The following TOP3A variants were observed in gnomAD, a reference collection of about 807,000 sequenced individuals.
TOP3A encodes the protein DNA topoisomerase 3-alpha.
TOP3A carries 64 observed loss-of-function variants against 111.3 expected under a neutral mutation model. The observed-to-expected ratio is 0.57, with a 90% CI of 0.47 to 0.71. The LOEUF (loss-of-function observed/expected upper bound fraction) is 0.71. TOP3A is among the 30% of genes least tolerant of loss of function. The pLI is 0.00. For synonymous variants in TOP3A, 484 were observed against 485.1 expected (o/e 1.00, Z 0.03); for missense variants, 1,104 against 1,285.0 (o/e 0.86, Z 2.15).
At chr17:18,294,283 T>G (rs1449400055) in intron 10 of TOP3A, among the ~76,000 whole-genome samples, 1 of 152,182 alleles carries the variant, frequency 6.6e-6, no homozygotes, top group East Asian at 1.9e-4. Flanking sequence ...TTGGGTGCTA[T>G]CTAGACAATC....
intron 11 of TOP3A, among the ~76,000 whole-genome samples, chr17:18,291,255 C>A (rs1332714380): frequency 6.6e-6 from 1 of 152,212 alleles, no homozygotes; most frequent in Non-Finnish European, 1.5e-5. Context: ...AGTCATCTTC[C>A]CTTCCAGACT....
intron 9 of TOP3A, among the ~76,000 whole-genome samples, chr17:18,297,942 G>A (rs1400691897): frequency 3.4e-5 from 5 of 148,928 alleles, no homozygotes; most frequent in Admixed American, 2.0e-4. Context: ...AGTGAGGAGC[G>A]TCTCTGCCCG....
At chr17:18,275,482 C>T (rs1456825290) in intron 18 of TOP3A, among the ~76,000 whole-genome samples, 1 of 151,440 alleles carries the variant, frequency 6.6e-6, no homozygotes, top group African/African-American at 2.4e-5. Flanking sequence ...GCCTCAGCCT[C>T]CCGAGTAGCT....
intron 16 of TOP3A, 99 bp downstream of exon 16, chr17:18,282,599 T>C: frequency 7.8e-6 from 12 of 1,546,920 alleles, no homozygotes; most frequent in Non-Finnish European, 1.1e-5. Context: ...AGGCCTGTCT[T>C]GAAAGATTCC....
chr17:18,306,586 T>C (rs1291047621), intron 4 of TOP3A: 25 of 247,988 alleles, frequency 1.0e-4, no homozygotes. Context: ...CAGGCTGGTC[T>C]CAAATTCCTG....
chr17:18,282,881 T>G (rs1211403030), intron 15 of TOP3A, 40 bp from the exon 16 acceptor site: 2 of 1,611,096 alleles, frequency 1.2e-6, no homozygotes, highest in Non-Finnish European at 1.7e-6. Flanking sequence ...CAGCCAGCAA[T>G]CGCTGCAAAG....
intron 4 of TOP3A, among the ~76,000 whole-genome samples, chr17:18,305,872 C>T (rs905897696): frequency 9.3e-5 from 14 of 151,208 alleles, no homozygotes; most frequent in South Asian, 2.1e-4. Flanking sequence ...CAAAATGAAT[C>T]CCAATTGAAT....
chr17:18,285,018 G>C, intron 15 of TOP3A, 124 bp downstream of exon 15: 2 of 1,146,610 alleles, frequency 1.7e-6, no homozygotes, highest in Non-Finnish European at 2.5e-6. Flanking sequence ...CCCAGATGCG[G>C]TGGCTCACGC....
In TOP3A at chr17:18,292,639, A is replaced by G. The variant is rs1347521330; in HGVS notation, c.1281+6T>C. The G allele has an allele frequency of 6.5e-7, 1 of 1,549,864 alleles. No homozygotes were observed. Among genetic ancestry groups the G allele is most frequent in the Non-Finnish European group, 8.7e-7 (1 of 1,143,426 alleles). On this transcript the variant is annotated splice_donor_region_variant and intron_variant, in intron 11 of 18. Transcript: ENST00000321105. ...TCCAGCAGGCAGTACATTCAGGGAAACCAACCTGTAAGTTGTTGGTGTATT... is the reference window on the plus strand; with the variant it reads ...TCCAGCAGGCAGTACATTCAGGGAAGCCAACCTGTAAGTTGTTGGTGTATT...
chr17:18,280,174 A>ATTT (rs10668277), intron 17 of TOP3A: 15 of 148,562 alleles, frequency 1.0e-4, no homozygotes, highest in African/African-American at 1.5e-4. Context: ...TTAAATAAAA[A>ATTT]TTTTTTTTTT....
At chr17:18,296,581 AAAACAAAC>A (rs572844166) in intron 9 of TOP3A, among the ~76,000 whole-genome samples, 2 of 152,172 alleles carry the variant, frequency 1.3e-5, no homozygotes, top group Non-Finnish European at 1.5e-5. Context: ...TCTGTCTCAA[AAAACAAAC>A]AAACAAACAA....
rs558755576 is a variant in TOP3A at position 18,292,620 on chromosome 17, A to T, written c.1281+25T>A. 10 of 1,525,530 alleles carry T rather than the reference A, an allele frequency of 6.6e-6. No individual in the cohort carries two copies. In the South Asian group the frequency reaches 1.2e-4, roughly 18 times the overall value. The allele number at this position is 1,525,530 out of a possible 1,614,324, so 94.5% of individuals were successfully genotyped here. On this transcript the variant is annotated intron_variant, in intron 11 of 18. Coordinates refer to ENST00000321105, the MANE Select transcript of TOP3A (RefSeq NM_004618.5). ...CCAGCACTTCCCTATGGGTTCCAGC[A>T]GGCAGTACATTCAGGGAAACCAACC... is the stretch of plus-strand genomic sequence containing the variant.
At position 18,292,783 on chromosome 17, in the gene TOP3A, T is replaced by C; in HGVS notation, c.1143A>G (p.Glu381=). Residue 381 remains glutamate (E), a synonymous_variant, in exon 11 of 19, where the codon GAA becomes GAG. Coordinates refer to ENST00000321105, the MANE Select transcript of TOP3A (RefSeq NM_004618.5). ...CCCAGCGTGGATCGGGGGTCTGCTG[T>C]TCCACCAACACCGTCAGGTTTAAGT... is the stretch of plus-strand genomic sequence containing the variant. ...PRDLNLTVLV[E]QQTPDPRWGA... is the part of the protein sequence containing the mutation. 6.2e-7 allele frequency: 1 copy of C among 1,614,084 alleles called. No homozygotes were observed. The highest frequency in any genetic ancestry group is 8.5e-7 in the Non-Finnish European group (1 of 1,179,972).
At chr17:18,301,335 C>T (rs71367441) in intron 8 of TOP3A, among the ~76,000 whole-genome samples, 6,300 of 152,318 alleles carry the variant, frequency 0.041, 169 homozygotes, top group Middle Eastern at 0.092. Flanking sequence ...ATGACACATG[C>T]GTGTCCCACC....
At chr17:18,276,139 C>T (rs187739891) in intron 18 of TOP3A, among the ~76,000 whole-genome samples, 12 of 152,240 alleles carry the variant, frequency 7.9e-5, no homozygotes, top group African/African-American at 2.4e-4. Flanking sequence ...ACTTTCATGC[C>T]GGCCCTTTTT....
intron 18 of TOP3A, among the ~76,000 whole-genome samples, chr17:18,275,344 CTTTTTTTT>C (rs71155327): frequency 1.3e-5 from 1 of 77,142 alleles, no homozygotes; most frequent in East Asian, 4.6e-4. Context: ...GCTGAACCAA[CTTTTTTTT>C]TTTTTTTTTT....
At chr17:18,312,659 G>A (rs957755762) in intron 1 of TOP3A, 1 of 179,422 alleles carries the variant, frequency 5.6e-6, no homozygotes, top group Non-Finnish European at 1.2e-5. Flanking sequence ...ACTGGGTTAA[G>A]TACACACTGT....
At chr17:18,279,856 T>A (rs976323179) in intron 17 of TOP3A, among the ~76,000 whole-genome samples, 2 of 152,152 alleles carry the variant, frequency 1.3e-5, no homozygotes, top group Non-Finnish European at 2.9e-5. Flanking sequence ...CTGGCTAATT[T>A]AAAATTTTTT....
chr17:18,292,340 G>A (rs1447559532), intron 11 of TOP3A, among the ~76,000 whole-genome samples: 7 of 152,320 alleles, frequency 4.6e-5, no homozygotes, highest in Admixed American at 4.6e-4. Flanking sequence ...TAGTTCCAGG[G>A]ACTGGGAAGG....
Sources: gnomAD v4.1 joint callset for allele counts (sites outside exome capture counted in the v4.1 genomes callset) on GRCh38, gnomAD v4.1.1 for gene constraint, MANE v1.5 for transcripts, NCBI Gene and HGNC (gene_info 2026-07-23, HGNC 2026-07-21) for gene names.